ELAPOR1: variants seen among roughly 807,000 people sequenced by gnomAD.
The protein encoded by ELAPOR1 is endosome/lysosome-associated apoptosis and autophagy regulator 1.
In ELAPOR1, 77 loss-of-function variants were observed where a neutral mutation model predicts 119.7. The observed-to-expected ratio is 0.64, with a 90% CI of 0.54 to 0.78. ELAPOR1 has a LOEUF of 0.78. Ranked by LOEUF, ELAPOR1 falls within the 30% of genes least tolerant of loss-of-function variation. The pLI is 0.00. For synonymous variants in ELAPOR1, 481 were observed against 487.2 expected (o/e 0.99, Z 0.17); for missense variants, 1,115 against 1,270.4 (o/e 0.88, Z 1.86).
intron 11 of ELAPOR1, among the ~76,000 whole-genome samples, chr1:109,190,892 T>C (rs886538223): frequency 1.3e-5 from 2 of 152,086 alleles, no homozygotes; most frequent in Admixed American, 1.3e-4. Context: ...ATGTCAACAA[T>C]TTACAGTCTT....
At chr1:109,141,970 T>A (rs2101000537) in intron 1 of ELAPOR1, among the ~76,000 whole-genome samples, 1 of 152,274 alleles carries the variant, frequency 6.6e-6, no homozygotes, top group Non-Finnish European at 1.5e-5. Context: ...CGGCCTATTT[T>A]GTTTTCTTTG....
chr1:109,171,374 C>A (rs1346357358), intron 3 of ELAPOR1, among the ~76,000 whole-genome samples: 1 of 151,902 alleles, frequency 6.6e-6, no homozygotes, highest in Non-Finnish European at 1.5e-5. Context: ...ATGGTGAAAA[C>A]CTGTCTCTAC....
intron 8 of ELAPOR1, chr1:109,186,440 G>A: frequency 4.2e-6 from 4 of 952,526 alleles, no homozygotes; most frequent in Non-Finnish European, 3.7e-6. Context: ...TGCTGGCTGG[G>A]CGGCTGACTG....
At chr1:109,166,999 TGTTATTTTAGA>T (rs1364776386) in intron 3 of ELAPOR1, among the ~76,000 whole-genome samples, 1 of 152,244 alleles carries the variant, frequency 6.6e-6, no homozygotes, top group Non-Finnish European at 1.5e-5. Context: ...TTTAATGTTA[TGTTATTTTAGA>T]GTTCAACTTG....
At chr1:109,149,257 C>T (rs7538475) in intron 1 of ELAPOR1, among the ~76,000 whole-genome samples, 22,739 of 151,714 alleles carry the variant, frequency 0.15, 1,920 homozygotes, top group African/African-American at 0.21. Context: ...TGGGAGAACA[C>T]GTGGGTGCTC....
chr1:109,161,993 C>T lies in ELAPOR1; in HGVS notation c.253C>T (p.Pro85Ser). 6.2e-7 allele frequency: 1 copy of T among 1,613,318 alleles called. No individual in the cohort carries two copies. Among genetic ancestry groups the T allele is most frequent in the South Asian group, 1.1e-5 (1 of 91,070 alleles). Residue 85 changes from proline to serine, a missense_variant, in exon 2 of 22, where the codon CCC becomes TCC. Coordinates refer to ENST00000369939, the MANE Select transcript of ELAPOR1 (RefSeq NM_020775.5). ...GGGCCTGTGCACCAGCCTGCCTGAC[C>T]CCATCAAGGGCACCGAGTGCTGTAA... Reference protein sequence around the residue: ...TPGLCTSLPDPIKGTECSFSC... With the variant: ...TPGLCTSLPDSIKGTECSFSC...
chr1:109,149,364 A>G (rs923432936), intron 1 of ELAPOR1, among the ~76,000 whole-genome samples: 10 of 151,956 alleles, frequency 6.6e-5, no homozygotes, highest in Non-Finnish European at 1.2e-4. Context: ...CTAATCATCC[A>G]GAGAAATCAG....
intron 15 of ELAPOR1, 102 bp from the exon 16 acceptor site, chr1:109,197,372 C>T (rs1270923369): frequency 5.0e-5 from 47 of 936,646 alleles, no homozygotes; most frequent in Non-Finnish European, 6.4e-5. Context: ...ACCATTGAAA[C>T]GCTGAAAATT....
At chr1:109,159,332 G>T (rs964819573) in intron 1 of ELAPOR1, among the ~76,000 whole-genome samples, 2 of 152,180 alleles carry the variant, frequency 1.3e-5, no homozygotes, top group African/African-American at 4.8e-5. Flanking sequence ...ATTTTCTTAG[G>T]CTTGGAACCA....
In ELAPOR1 at chr1:109,195,617, G is replaced by A. The variant is rs745324021; in HGVS notation, c.2121+1023G>A. 2.6e-5 allele frequency among the ~76,000 whole-genome samples: 4 copies of A among 152,074 alleles called. 1 individual carries two copies. Among genetic ancestry groups the A allele is most frequent in the South Asian group, 2.1e-4 (1 of 4,824 alleles). On this transcript the variant is annotated intron_variant, in intron 15 of 21. Coordinates refer to ENST00000369939, the MANE Select transcript of ELAPOR1 (RefSeq NM_020775.5). ...GTCTTCAGCAATCACTGCATTTGTC[G>A]CTTGTTTTCTAGAGGCTGGATAAAA...
intron 1 of ELAPOR1, among the ~76,000 whole-genome samples, chr1:109,117,018 G>A (rs1476656459): frequency 1.3e-5 from 2 of 151,642 alleles, no homozygotes; most frequent in South Asian, 2.1e-4. Flanking sequence ...ATCTTCATAC[G>A]AATTTCTTGT....
intron 7 of ELAPOR1, among the ~76,000 whole-genome samples, chr1:109,182,815 C>T (rs1040929873): frequency 2.0e-5 from 3 of 149,992 alleles, no homozygotes; most frequent in South Asian, 4.2e-4. Context: ...TGCAGTGAGC[C>T]GAGATCGTGC....
At chr1:109,202,005 T>C (rs1192732274) in intron 21 of ELAPOR1, among the ~76,000 whole-genome samples, 1 of 152,130 alleles carries the variant, frequency 6.6e-6, no homozygotes, top group Non-Finnish European at 1.5e-5. Context: ...GAGGCTGAGG[T>C]GGGAGGATCA....
At chr1:109,127,387 T>C (rs1648851768) in intron 1 of ELAPOR1, among the ~76,000 whole-genome samples, 1 of 151,498 alleles carries the variant, frequency 6.6e-6, no homozygotes, top group Non-Finnish European at 1.5e-5. Flanking sequence ...ACTAATTTTT[T>C]TGTATTTTAG....
chr1:109,197,324 C>T (rs890580020), intron 15 of ELAPOR1, 150 bp from the exon 16 acceptor site: 15 of 693,712 alleles, frequency 2.2e-5, no homozygotes, highest in Non-Finnish European at 3.5e-5. Flanking sequence ...AAATCTGTCT[C>T]GTCATTAGAC....
At chr1:109,115,966 T>G (rs1647970483) in intron 1 of ELAPOR1, among the ~76,000 whole-genome samples, 1 of 152,192 alleles carries the variant, frequency 6.6e-6, no homozygotes, top group African/African-American at 2.4e-5. Context: ...GAAAGCCCAC[T>G]TGCCTAAGAA....
intron 7 of ELAPOR1, among the ~76,000 whole-genome samples, chr1:109,177,986 GAAGT>G (rs1652450402): frequency 6.6e-6 from 1 of 151,178 alleles, no homozygotes; most frequent in African/African-American, 2.4e-5. Flanking sequence ...CATTGACTGA[GAAGT>G]GAGTTTTTTC....
At chr1:109,159,195 A>T (rs763445440) in intron 1 of ELAPOR1, among the ~76,000 whole-genome samples, 1 of 152,158 alleles carries the variant, frequency 6.6e-6, no homozygotes, top group East Asian at 1.9e-4. Flanking sequence ...GCCCCGCCCT[A>T]AGCTTATGTC....
chr1:109,197,390 A>G (rs990020414), intron 15 of ELAPOR1, 84 bp from the exon 16 acceptor site: 2 of 1,206,768 alleles, frequency 1.7e-6, no homozygotes, highest in Non-Finnish European at 2.4e-6. Context: ...ATTTAGATGT[A>G]AAAAAGCCTT....
Sources: gnomAD v4.1 joint callset for allele counts (sites outside exome capture counted in the v4.1 genomes callset) on GRCh38, gnomAD v4.1.1 for gene constraint, MANE v1.5 for transcripts, NCBI Gene and HGNC (gene_info 2026-07-23, HGNC 2026-07-21) for gene names.